The following WHRN variants were observed in gnomAD, a reference collection of about 807,000 sequenced individuals.
WHRN encodes the protein whirlin, also known as CASK-interacting protein CIP98.
WHRN carries 41 observed loss-of-function variants against 68.3 expected under a neutral mutation model. The observed-to-expected ratio is 0.60, with a 90% CI of 0.47 to 0.78. WHRN has a LOEUF of 0.78. Among genes scored for constraint, WHRN ranks in the 30% least tolerant of loss-of-function variants. The pLI is 0.00. For synonymous variants in WHRN, 560 were observed against 561.3 expected, an observed-to-expected ratio of 1.00 and a Z score of 0.03; for missense variants, 1,243 against 1,244.7, an observed-to-expected ratio of 1.00 and a Z score of 0.02.
At position 114,498,175 on chromosome 9, in the gene WHRN, G is replaced by A. The variant is rs566175237; in HGVS notation, c.618+6009C>T. Among the ~76,000 whole-genome samples, 5 of 152,260 alleles carry A rather than the reference G, an allele frequency of 3.3e-5. No individual in the cohort carries two copies. The South Asian group carries it at 8.3e-4, about 25-fold the overall frequency. On this transcript the variant is annotated intron_variant, in intron 1 of 11. Coordinates refer to ENST00000362057, the MANE Select transcript of WHRN (RefSeq NM_015404.4). ...TATATTAAAGCACCTACTGTGTGCC[G>A]GGAGCTGGGGATGCGTGAATAAGCA...
chr9:114,409,270 A>G (rs1166566995), intron 7 of WHRN, among the ~76,000 whole-genome samples: 2 of 152,210 alleles, frequency 1.3e-5, no homozygotes, highest in African/African-American at 4.8e-5. Context: ...TGCCATTGGT[A>G]GCTCAGAGAC....
chr9:114,404,140 G>A (rs1049143560), intron 9 of WHRN, 63 bp from the exon 10 acceptor site: 5 of 1,541,298 alleles, frequency 3.2e-6, no homozygotes, highest in Non-Finnish European at 4.4e-6. Flanking sequence ...GGGCTGCCTG[G>A]AGGCAGTGAC....
intron 1 of WHRN, among the ~76,000 whole-genome samples, chr9:114,484,091 G>C (rs1842301427): frequency 6.6e-6 from 1 of 152,302 alleles, no homozygotes; most frequent in Middle Eastern, 3.4e-3. Context: ...GTTCCACAGG[G>C]TTTAAGAAAA....
intron 3 of WHRN, among the ~76,000 whole-genome samples, chr9:114,442,967 C>G (rs1397360784): frequency 1.3e-5 from 2 of 152,068 alleles, no homozygotes; most frequent in Non-Finnish European, 2.9e-5. Flanking sequence ...CAAAAAAAAA[C>G]TTCTAGGTCC....
intron 2 of WHRN, among the ~76,000 whole-genome samples, chr9:114,470,010 G>C (rs563387348): frequency 6.6e-6 from 1 of 152,132 alleles, no homozygotes; most frequent in South Asian, 2.1e-4. Context: ...ATTACATCTT[G>C]CAAGGACCCC....
In WHRN at chr9:114,403,213, A is replaced by G; in HGVS notation, c.2541+4T>C. On this transcript the variant is annotated splice_donor_region_variant and intron_variant, in intron 11 of 11. Transcript: ENST00000362057. Reference sequence around the variant, plus strand: ...GATGGCAAGTGGGGCCCCTGGGGACATACCTGAATAGTGACAATCCTAGGC... The same window carrying G: ...GATGGCAAGTGGGGCCCCTGGGGACGTACCTGAATAGTGACAATCCTAGGC... 1 of 1,614,182 alleles carries G rather than the reference A, an allele frequency of 6.2e-7. No homozygotes were observed. Among genetic ancestry groups the G allele is most frequent in the African/African-American group, 1.3e-5 (1 of 75,066 alleles).
intron 3 of WHRN, among the ~76,000 whole-genome samples, chr9:114,439,499 T>C (rs1838181399): frequency 6.6e-6 from 1 of 152,242 alleles, no homozygotes; most frequent in Admixed American, 6.5e-5. Context: ...GATTTCTCAC[T>C]GTTGAAGAAA....
intron 2 of WHRN, among the ~76,000 whole-genome samples, chr9:114,467,162 G>T (rs533126583): frequency 2.6e-5 from 4 of 151,728 alleles, no homozygotes; most frequent in East Asian, 3.9e-4. Context: ...CACCTGGGGG[G>T]GTCTATTTCT....
At chr9:114,414,507 T>A (rs1462870027) in intron 7 of WHRN, among the ~76,000 whole-genome samples, 1 of 152,216 alleles carries the variant, frequency 6.6e-6, no homozygotes, top group Non-Finnish European at 1.5e-5. Context: ...CAGTGCTTTG[T>A]CCAAGTTCCC....
intron 1 of WHRN, among the ~76,000 whole-genome samples, chr9:114,495,226 G>C (rs1473410957): frequency 2.0e-5 from 3 of 152,262 alleles, no homozygotes; most frequent in African/African-American, 4.8e-5. Flanking sequence ...CAAGAGCAGG[G>C]TTGTAGACAG....
intron 2 of WHRN, among the ~76,000 whole-genome samples, chr9:114,469,639 C>G (rs1374414202): frequency 6.6e-6 from 1 of 152,222 alleles, no homozygotes; most frequent in Non-Finnish European, 1.5e-5. Context: ...CCTGTGGGAC[C>G]TGCCGAGATC....
intron 3 of WHRN, among the ~76,000 whole-genome samples, chr9:114,463,936 T>C (rs1840448607): frequency 6.6e-6 from 1 of 152,124 alleles, no homozygotes; most frequent in Non-Finnish European, 1.5e-5. Flanking sequence ...TTCCCTCTCA[T>C]TGGCTGTGCA....
intron 1 of WHRN, among the ~76,000 whole-genome samples, chr9:114,492,761 A>G (rs1408522): frequency 0.94 from 143,518 of 152,166 alleles, 68,266 homozygotes; most frequent in East Asian, 1. Flanking sequence ...GGAGGTGGGT[A>G]GATTGCTTGA....
At chr9:114,449,444 G>C (rs988886216) in intron 3 of WHRN, among the ~76,000 whole-genome samples, 1 of 152,226 alleles carries the variant, frequency 6.6e-6, no homozygotes, top group Non-Finnish European at 1.5e-5. Flanking sequence ...TCTAATGGGC[G>C]TGCCCAGAGA....
At chr9:114,465,399 T>C (rs1290887895) in intron 3 of WHRN, among the ~76,000 whole-genome samples, 1 of 152,192 alleles carries the variant, frequency 6.6e-6, no homozygotes, top group Non-Finnish European at 1.5e-5. Flanking sequence ...CAGACACGCA[T>C]GGTCCTTTGG....
intron 4 of WHRN, 158 bp downstream of exon 4, chr9:114,426,053 G>C (rs960494460): frequency 4.7e-6 from 4 of 859,660 alleles, no homozygotes; most frequent in Admixed American, 2.0e-5. Flanking sequence ...AGAGAGGAGA[G>C]GGATGTGCCC....
chr9:114,483,700 T>C (rs1842270382), intron 1 of WHRN, among the ~76,000 whole-genome samples: 1 of 152,218 alleles, frequency 6.6e-6, no homozygotes, highest in African/African-American at 2.4e-5. Context: ...TGTTGTGCCA[T>C]TAGCTTGGTG....
chr9:114,443,374 C>T (rs770720544), intron 3 of WHRN, among the ~76,000 whole-genome samples: 25 of 152,142 alleles, frequency 1.6e-4, no homozygotes, highest in Admixed American at 3.9e-4. Context: ...CTGGAGAGTC[C>T]GGGGGACAAT....
intron 1 of WHRN, among the ~76,000 whole-genome samples, chr9:114,479,785 G>A (rs916763147): frequency 6.6e-6 from 1 of 152,154 alleles, no homozygotes; most frequent in Non-Finnish European, 1.5e-5. Context: ...TTTCTCAGCC[G>A]GGCGTGGTGG....
Sources: allele counts gnomAD v4.1 joint callset (sites outside exome capture counted in the v4.1 genomes callset), GRCh38; gene constraint gnomAD v4.1.1; transcripts MANE v1.5; gene names NCBI Gene and HGNC (gene_info 2026-07-23, HGNC 2026-07-21).